ALPK2: variants seen among roughly 807,000 people sequenced by gnomAD.
ALPK2 encodes the protein alpha-protein kinase 2.
In ALPK2, 127 loss-of-function variants were observed where a neutral mutation model predicts 163.1. That is an observed-to-expected ratio of 0.78 (90% CI 0.67 to 0.90). ALPK2 has a LOEUF of 0.90. Ranked by LOEUF, ALPK2 falls within the 40% of genes least tolerant of loss-of-function variation. The probability of loss-of-function intolerance (pLI) is 0.00; values close to 1 mark genes in which losing one functional copy is unlikely to be tolerated. For missense variants in ALPK2, 2,360 were observed against 2,589.6 expected, an observed-to-expected ratio of 0.91 and a Z score of 1.92; for synonymous variants, 953 against 959.1, an observed-to-expected ratio of 0.99 and a Z score of 0.12.
At chr18:58,499,143 C>G (rs985652445) in intron 11 of ALPK2, among the ~76,000 whole-genome samples, 1 of 152,084 alleles carries the variant, frequency 6.6e-6, no homozygotes, top group Non-Finnish European at 1.5e-5. Flanking sequence ...TAACTGCTAC[C>G]CACTAAACCA....
chr18:58,566,341 T>TTG (rs2051852913), intron 4 of ALPK2: 1 of 152,172 alleles, frequency 6.6e-6, no homozygotes, highest in Admixed American at 6.5e-5. Flanking sequence ...TCTGTACTCT[T>TTG]TCCTCAGTTT....
At chr18:58,595,295 C>A (rs2052035600) in intron 3 of ALPK2, among the ~76,000 whole-genome samples, 1 of 152,210 alleles carries the variant, frequency 6.6e-6, no homozygotes, top group Admixed American at 6.5e-5. Context: ...CTCTTGCGAT[C>A]CCTTTCCCAT....
Position 58,537,399 on chromosome 18 carries a change from C to T in ALPK2, c.2788G>A (p.Glu930Lys). ...PLASTVHAGQ[E>K]QPSPSNSGGL... The stretch of plus-strand genomic sequence containing the variant: ...CCTGAGTTGCTGGGGCTTGGCTGCT[C>T]CTGGCCAGCATGTACTGTGGAGGCC... The change falls in exon 5 of 13, where the codon GAG becomes AAG. Residue 930 changes from glutamate (E) to lysine (K), a missense_variant. Glu to Lys is a moderately conservative substitution (Grantham distance 56). Transcript: ENST00000361673. The T allele has an allele frequency of 6.2e-7, 1 of 1,613,792 alleles. No individual in the cohort carries two copies. The highest frequency in any genetic ancestry group is 8.5e-7 in the Non-Finnish European group (1 of 1,179,852).
At chr18:58,599,755 C>T (rs1009520357) in intron 3 of ALPK2, among the ~76,000 whole-genome samples, 1 of 152,146 alleles carries the variant, frequency 6.6e-6, no homozygotes, top group African/African-American at 2.4e-5. Context: ...ATTCAAAATT[C>T]TTTGCATGTG....
At chr18:58,595,917 G>A (rs954572781) in intron 3 of ALPK2, among the ~76,000 whole-genome samples, 1 of 152,168 alleles carries the variant, frequency 6.6e-6, no homozygotes, top group African/African-American at 2.4e-5. Flanking sequence ...ACCAGGCTCT[G>A]AGCGGCAACA....
chr18:58,556,378 G>A (rs1277767503), intron 4 of ALPK2, among the ~76,000 whole-genome samples: 1 of 152,228 alleles, frequency 6.6e-6, no homozygotes, highest in African/African-American at 2.4e-5. Context: ...TAGAGACAGA[G>A]CCTGGAGTCA....
intron 4 of ALPK2, among the ~76,000 whole-genome samples, chr18:58,572,075 A>G (rs1388492557): frequency 2.0e-5 from 3 of 152,066 alleles, no homozygotes; most frequent in Non-Finnish European, 4.4e-5. Flanking sequence ...ATAACAGTCC[A>G]GTTAGGAAAT....
intron 8 of ALPK2, among the ~76,000 whole-genome samples, chr18:58,520,566 A>C (rs934959278): frequency 1.3e-5 from 2 of 152,060 alleles, no homozygotes; most frequent in African/African-American, 4.8e-5. Flanking sequence ...TGAAATCCAA[A>C]TCCTCAACTC....
chr18:58,535,926 C>G lies in ALPK2; in HGVS notation c.4261G>C (p.Glu1421Gln). The change falls in exon 5 of 13, where the codon GAG becomes CAG. Residue 1421 changes from glutamate to glutamine, a missense_variant. Coordinates refer to ENST00000361673, the MANE Select transcript of ALPK2 (RefSeq NM_052947.4). ...VIEYTRAGKP[E>Q]PSETTPQGAR... ...CCCTGTGGTGTGGTTTCAGAGGGCT[C>G]TGGTTTTCCAGCCCTGGTGTACTCT... The G allele has an allele frequency of 6.2e-7, 1 of 1,614,196 alleles. No individual in the cohort carries two copies. Among genetic ancestry groups the G allele is most frequent in the Non-Finnish European group, 8.5e-7 (1 of 1,180,028 alleles).
At chr18:58,585,748 AC>A (rs1341253555) in intron 3 of ALPK2, among the ~76,000 whole-genome samples, 1 of 132,120 alleles carries the variant, frequency 7.6e-6, no homozygotes, top group Non-Finnish European at 1.5e-5. Context: ...CAGTGGCACC[AC>A]CTTGGCTCAC....
chr18:58,621,033 G>A (rs1011196469), intron 1 of ALPK2, among the ~76,000 whole-genome samples: 1 of 151,778 alleles, frequency 6.6e-6, no homozygotes, highest in Non-Finnish European at 1.5e-5. Context: ...CATGCCTGTA[G>A]TCCCAGTTAC....
intron 3 of ALPK2, among the ~76,000 whole-genome samples, chr18:58,605,240 T>C (rs1391441720): frequency 6.6e-6 from 1 of 152,228 alleles, no homozygotes; most frequent in East Asian, 1.9e-4. Context: ...TACACAACTA[T>C]GCTATTTTTT....
chr18:58,512,973 ATGTGTGGTGTG>A (rs1228505224), intron 10 of ALPK2, among the ~76,000 whole-genome samples: 6 of 67,628 alleles, frequency 8.9e-5, no homozygotes, highest in Non-Finnish European at 1.2e-4. Flanking sequence ...TGGTGTGTGT[ATGTGTGGTGTG>A]TGTGTGGTGT....
At chr18:58,488,916 A>G (rs182573440) in intron 12 of ALPK2, among the ~76,000 whole-genome samples, 1 of 152,294 alleles carries the variant, frequency 6.6e-6, no homozygotes, top group African/African-American at 2.4e-5. Context: ...AGTGCCACTC[A>G]TACCCTTCAT....
At chr18:58,622,479 G>A (rs2052207100) in intron 1 of ALPK2, among the ~76,000 whole-genome samples, 1 of 152,234 alleles carries the variant, frequency 6.6e-6, no homozygotes, top group South Asian at 2.1e-4. Flanking sequence ...CAGCTTGTTA[G>A]TGACAGAGTC....
intron 12 of ALPK2, among the ~76,000 whole-genome samples, chr18:58,497,379 T>C (rs914753858): frequency 1.3e-5 from 2 of 152,128 alleles, no homozygotes; most frequent in African/African-American, 4.8e-5. Context: ...GAACAACAAA[T>C]GGCTGGCTTT....
intron 12 of ALPK2, among the ~76,000 whole-genome samples, chr18:58,486,681 T>C (rs1044976998): frequency 6.6e-6 from 1 of 152,220 alleles, no homozygotes; most frequent in Non-Finnish European, 1.5e-5. Context: ...CAGACTTTTC[T>C]TTGCTACCTA....
At chr18:58,620,128 A>G (rs1165780204) in intron 1 of ALPK2, among the ~76,000 whole-genome samples, 1 of 152,194 alleles carries the variant, frequency 6.6e-6, no homozygotes, top group Non-Finnish European at 1.5e-5. Flanking sequence ...TGTCTCTACT[A>G]AAAACTACAA....
intron 11 of ALPK2, among the ~76,000 whole-genome samples, chr18:58,499,827 T>A (rs1184429577): frequency 6.6e-6 from 1 of 152,232 alleles, no homozygotes; most frequent in Non-Finnish European, 1.5e-5. Context: ...GAAACCAGTT[T>A]GGGCTGTGGA....
Sources: gnomAD v4.1 joint callset for allele counts (sites outside exome capture counted in the v4.1 genomes callset) on GRCh38, gnomAD v4.1.1 for gene constraint, MANE v1.5 for transcripts, NCBI Gene and HGNC (gene_info 2026-07-23, HGNC 2026-07-21) for gene names.